The following ARK2N variants were observed in gnomAD, a reference collection of about 807,000 sequenced individuals.
ARK2N encodes protein ARK2N.
At chr18:46,196,257 G>T in the ARK2N span, among the ~76,000 whole-genome samples, 2 of 151,374 alleles carry the variant, frequency 1.3e-5, no homozygotes, top group Non-Finnish European at 2.9e-5. Flanking sequence ...TGGGATTACA[G>T]GCGTGAGCCA....
At chr18:46,201,055 C>T in the ARK2N span, among the ~76,000 whole-genome samples, 1 of 149,598 alleles carries the variant, frequency 6.7e-6, no homozygotes, top group African/African-American at 2.5e-5. Flanking sequence ...TCACAGCTCA[C>T]TGCATCCTCA....
chr18:46,209,000 G>A, the ARK2N span, among the ~76,000 whole-genome samples: 4 of 152,124 alleles, frequency 2.6e-5, no homozygotes, highest in African/African-American at 9.7e-5. Flanking sequence ...AAGAAGATAG[G>A]TACAAAATGA....
At chr18:46,173,718 T>A in the ARK2N span, 2 of 152,192 alleles carry the variant, frequency 1.3e-5, no homozygotes, top group Non-Finnish European at 2.9e-5. Context: ...AGGGGGTGAG[T>A]ACTGAGCAGC....
the ARK2N span, chr18:46,262,938 T>G: frequency 6.2e-7 from 1 of 1,614,148 alleles, no homozygotes; most frequent in Non-Finnish European, 8.5e-7. Flanking sequence ...GGTGTGTTCA[T>G]CCTCGAGGTG....
chr18:46,192,719 G>A, the ARK2N span, among the ~76,000 whole-genome samples: 3 of 151,274 alleles, frequency 2.0e-5, no homozygotes, highest in South Asian at 4.2e-4. Context: ...CTACAGGCCC[G>A]CCACCATGCC....
the ARK2N span, among the ~76,000 whole-genome samples, chr18:46,175,469 G>A: frequency 6.6e-6 from 1 of 151,908 alleles, no homozygotes; most frequent in South Asian, 2.1e-4. Context: ...TGCTGATCTT[G>A]GCAATCTAGA....
the ARK2N span, among the ~76,000 whole-genome samples, chr18:46,212,883 T>G: frequency 1.3e-5 from 2 of 152,092 alleles, no homozygotes; most frequent in Admixed American, 6.6e-5. Context: ...TTTGAAAATA[T>G]CCAGTGCTGC....
At chr18:46,265,817 G>A in the ARK2N span, 1,754 of 152,692 alleles carry the variant, frequency 0.011, 60 homozygotes, top group East Asian at 0.12. Flanking sequence ...TTTACATTTG[G>A]TAGCATAAGT....
At chr18:46,184,261 A>G in the ARK2N span, among the ~76,000 whole-genome samples, 4 of 152,182 alleles carry the variant, frequency 2.6e-5, no homozygotes, top group Admixed American at 2.6e-4. Flanking sequence ...AAGTGCTGGG[A>G]TTACAGGTGT....
At chr18:46,247,542 A>G in the ARK2N span, among the ~76,000 whole-genome samples, 1 of 152,220 alleles carries the variant, frequency 6.6e-6, no homozygotes, top group African/African-American at 2.4e-5. Flanking sequence ...CTGCCTGTCT[A>G]CACTCTGCCT....
the ARK2N span, among the ~76,000 whole-genome samples, chr18:46,228,256 C>G: frequency 6.6e-6 from 1 of 152,212 alleles, no homozygotes; most frequent in East Asian, 1.9e-4. Flanking sequence ...TTTTATTAGA[C>G]ATGGATTTTT....
chr18:46,203,527 C>T, the ARK2N span, among the ~76,000 whole-genome samples: 5 of 152,184 alleles, frequency 3.3e-5, no homozygotes, highest in Admixed American at 3.3e-4. Context: ...TGGATATGTT[C>T]ATTTTATATA....
At chr18:46,253,829 A>T in the ARK2N span, 1 of 1,600,022 alleles carries the variant, frequency 6.2e-7, no homozygotes, top group Middle Eastern at 1.7e-4. Flanking sequence ...GCAAGGTAGG[A>T]TACTAATTGG....
chr18:46,265,545 T>G, the ARK2N span: 1 of 152,232 alleles, frequency 6.6e-6, no homozygotes, highest in Non-Finnish European at 1.5e-5. Context: ...ACTGCCTGAC[T>G]TAATGGACCA....
chr18:46,184,603 T>TC, the ARK2N span, among the ~76,000 whole-genome samples: 1 of 152,114 alleles, frequency 6.6e-6, no homozygotes, highest in African/African-American at 2.4e-5. Context: ...GCGGCTGTAG[T>TC]CCCAGCTACT....
chr18:46,222,459 G>A, the ARK2N span, among the ~76,000 whole-genome samples: 2 of 152,082 alleles, frequency 1.3e-5, no homozygotes, highest in Non-Finnish European at 2.9e-5. Context: ...TTTTCTGTAC[G>A]CTACAAGGTC....
At chr18:46,251,646 A>T in the ARK2N span, among the ~76,000 whole-genome samples, 1 of 152,244 alleles carries the variant, frequency 6.6e-6, no homozygotes, top group Non-Finnish European at 1.5e-5. Context: ...TATTTTTCAC[A>T]GCTTTACTCA....
the ARK2N span, among the ~76,000 whole-genome samples, chr18:46,213,678 G>C: frequency 1.3e-5 from 2 of 151,976 alleles, no homozygotes; most frequent in Non-Finnish European, 2.9e-5. Context: ...ACACAAGATT[G>C]TTTTATTTAT....
chr18:46,236,702 A>G, the ARK2N span, among the ~76,000 whole-genome samples: 1 of 152,204 alleles, frequency 6.6e-6, no homozygotes, highest in Non-Finnish European at 1.5e-5. Flanking sequence ...GAAAGTCAAA[A>G]CAGTCTCTTT....
Sources: allele counts gnomAD v4.1 joint callset (sites outside exome capture counted in the v4.1 genomes callset), GRCh38; gene constraint gnomAD v4.1.1; transcripts MANE v1.5; gene names NCBI Gene and HGNC (gene_info 2026-07-23, HGNC 2026-07-21).